TMEM168: variants seen among roughly 807,000 people sequenced by gnomAD.
TMEM168 encodes transmembrane protein 168.
TMEM168 carries 40 observed loss-of-function variants against 53.2 expected under a neutral mutation model. That is an observed-to-expected ratio of 0.75 (90% confidence interval 0.58 to 0.98). The LOEUF (loss-of-function observed/expected upper bound fraction) is 0.98, where lower values mean the gene tolerates loss of function less well. TMEM168 is among the 50% of genes least tolerant of loss of function. TMEM168 has a pLI of 0.00. For missense variants in TMEM168, 771 were observed against 828.8 expected (o/e 0.93, Z 0.86); for synonymous variants, 282 against 293.0 (o/e 0.96, Z 0.38).
At position 112,767,054 on chromosome 7, in the gene TMEM168, ATTAC is replaced by A; in HGVS notation, c.*139_*142del. ...TTCCCAACGCCTTATATATACCATAATTACTTAAGAAAAGACAAAGTGAGAGCAG... is the reference window on the plus strand; with the variant it reads ...TTCCCAACGCCTTATATATACCATAATTAAGAAAAGACAAAGTGAGAGCAG... On this transcript the variant is annotated 3_prime_UTR_variant, in exon 5 of 5. Coordinates refer to ENST00000312814, the MANE Select transcript of TMEM168 (RefSeq NM_022484.6). The A allele has an allele frequency of 1.2e-6, 1 of 831,340 alleles. No individual in the cohort carries two copies. Among genetic ancestry groups the A allele is most frequent in the Non-Finnish European group, 1.8e-6 (1 of 548,420 alleles). The allele number at this position is 831,340 out of a possible 1,614,324, so 51.5% of individuals were successfully genotyped here. A position where few individuals can be genotyped will look rare whatever the true frequency, so the allele number is the denominator to read the frequency against.
intron 4 of TMEM168, among the ~76,000 whole-genome samples, chr7:112,770,396 A>G (rs1280980353): frequency 6.6e-6 from 1 of 152,184 alleles, no homozygotes; most frequent in Non-Finnish European, 1.5e-5. Flanking sequence ...ATAAGCCTCA[A>G]AGTTACACAA....
Position 112,762,637 on chromosome 7 carries a change from T to TG in TMEM168, c.*4559dup, listed in dbSNP as rs1202285788. The TG allele has an allele frequency of 6.6e-6, 1 of 152,078 alleles. No homozygotes were observed. The highest frequency in any genetic ancestry group is 1.5e-5 in the Non-Finnish European group (1 of 67,946). The allele number at this position is 152,078 out of a possible 1,614,324, so 9.4% of individuals were successfully genotyped here. A position where few individuals can be genotyped will look rare whatever the true frequency, so the allele number is the denominator to read the frequency against. ...AATATTATGAGGTCATCATACAAGA[T>TG]GACTGGTCAACTTCATTTTTAAAAT... On this transcript the variant is annotated 3_prime_UTR_variant, in exon 5 of 5. Coordinates refer to ENST00000312814, the MANE Select transcript of TMEM168 (RefSeq NM_022484.6).
In TMEM168 at chr7:112,767,057, A is replaced by G. The variant is rs545156617; in HGVS notation, c.*140T>C. On this transcript the variant is annotated 3_prime_UTR_variant, in exon 5 of 5. Coordinates refer to ENST00000312814, the MANE Select transcript of TMEM168 (RefSeq NM_022484.6). ...CCAACGCCTTATATATACCATAATT[A>G]CTTAAGAAAAGACAAAGTGAGAGCA... The G allele has an allele frequency of 1.6e-5, 13 of 838,492 alleles. No individual in the cohort carries two copies. In the African/African-American group the frequency reaches 1.9e-4, roughly 12 times the overall value. 51.9% of individuals were successfully genotyped at this position (838,492 alleles called of 1,614,324 possible).
At position 112,765,853 on chromosome 7, in the gene TMEM168, C is replaced by CCTAA. The variant is rs1052191233; in HGVS notation, c.*1340_*1343dup. On this transcript the variant is annotated 3_prime_UTR_variant, in exon 5 of 5. Coordinates refer to ENST00000312814, the MANE Select transcript of TMEM168 (RefSeq NM_022484.6). ...ACAAGTTCCCTGACTCTAACTTCTT[C>CCTAA]CTAACTTAAAAGTTCAATTTTCAAG... is the stretch of plus-strand genomic sequence containing the variant. 6.6e-5 allele frequency: 10 copies of CCTAA among 152,080 alleles called. No homozygotes were observed. Among genetic ancestry groups the CCTAA allele is most frequent in the Non-Finnish European group, 1.0e-4 (7 of 67,784 alleles). 9.4% of individuals were successfully genotyped at this position (152,080 alleles called of 1,614,324 possible).
intron 1 of TMEM168, 24 bp downstream of exon 1, chr7:112,790,136 T>G (rs1166879350): frequency 6.6e-6 from 1 of 152,516 alleles, no homozygotes; most frequent in Non-Finnish European, 1.5e-5. Context: ...CTCGCCGCCC[T>G]GCCGTCCACC....
chr7:112,780,957 A>C (rs1046672661), intron 2 of TMEM168, among the ~76,000 whole-genome samples: 4 of 151,564 alleles, frequency 2.6e-5, no homozygotes, highest in Admixed American at 6.6e-5. Flanking sequence ...AAAAAAAAAA[A>C]AAAAAAAACG....
intron 3 of TMEM168, among the ~76,000 whole-genome samples, chr7:112,774,449 G>T (rs1793018189): frequency 7.0e-6 from 1 of 143,106 alleles, no homozygotes; most frequent in Non-Finnish European, 1.5e-5. Flanking sequence ...TTTAGGCAAA[G>T]ACAGATAATA....
rs766552377 is a variant in TMEM168 at position 112,783,898 on chromosome 7, T to A, written c.928A>T (p.Ile310Phe). The change falls in exon 2 of 5, where the codon ATT becomes TTT. Residue 310 changes from isoleucine (I) to phenylalanine (F), a missense_variant. Ile to Phe is a conservative substitution (Grantham distance 21). Coordinates refer to ENST00000312814, the MANE Select transcript of TMEM168 (RefSeq NM_022484.6). ...CCCCAAAGAGTTAAAAGAAAAATAA[T>A]ATGACAAATCATCCAGAAAATTCCA... ...IFGIFWMICHIIFLLTLWGFH... is the reference protein window; with the variant it reads ...IFGIFWMICHFIFLLTLWGFH... The A allele has an allele frequency of 3.1e-6, 5 of 1,597,620 alleles. No individual in the cohort carries two copies. The East Asian group carries it at 8.9e-5, about 29-fold the overall frequency.
At chr7:112,780,094 C>A (rs1793188574) in intron 2 of TMEM168, among the ~76,000 whole-genome samples, 1 of 152,144 alleles carries the variant, frequency 6.6e-6, no homozygotes, top group Non-Finnish European at 1.5e-5. Context: ...AGTCAAATGA[C>A]TTCTTTACGT....
intron 2 of TMEM168, 39 bp downstream of exon 2, chr7:112,783,659 T>C (rs756495949): frequency 7.1e-7 from 1 of 1,399,832 alleles, no homozygotes; most frequent in Non-Finnish European, 9.3e-7. Context: ...AGCATTTTAT[T>C]ACACGTCATT....
chr7:112,762,951 T>G lies in TMEM168; in HGVS notation c.*4246A>C, dbSNP rs1475934727. ...ACCTGCTTATGCTTATAGGCCTATT[T>G]TACTGACCTTCCAATTTAGTTGTCA... On this transcript the variant is annotated 3_prime_UTR_variant, in exon 5 of 5. Coordinates refer to ENST00000312814, the MANE Select transcript of TMEM168 (RefSeq NM_022484.6). 1 of 152,086 alleles carries G rather than the reference T, an allele frequency of 6.6e-6. No individual in the cohort carries two copies. Among genetic ancestry groups the G allele is most frequent in the Non-Finnish European group, 1.5e-5 (1 of 67,928 alleles). 9.4% of individuals were successfully genotyped at this position (152,086 alleles called of 1,614,324 possible). A position where few individuals can be genotyped will look rare whatever the true frequency, so the allele number is the denominator to read the frequency against.
chr7:112,774,094 A>T (rs1368300284), intron 3 of TMEM168, among the ~76,000 whole-genome samples: 1 of 152,146 alleles, frequency 6.6e-6, no homozygotes, highest in East Asian at 1.9e-4. Flanking sequence ...AAAAAACTTT[A>T]CTTCCACTCT....
In TMEM168 at chr7:112,783,803, A is replaced by G. The variant is rs370072740; in HGVS notation, c.1023T>C (p.Asp341=). ...FTHRTDYNSL[D]RIMASKGMRH... ...GCATCCCTTTGGATGCCATGATTCT[A>G]TCAAGGCTATTGTAATCTGTCCTGT... Residue 341 remains aspartate (D), a synonymous_variant, in exon 2 of 5, where the codon GAT becomes GAC. Transcript: ENST00000312814. 1.2e-5 allele frequency: 20 copies of G among 1,603,184 alleles called. No homozygotes were observed. The highest frequency in any genetic ancestry group is 1.1e-4 in the African/African-American group (8 of 74,484).
chr7:112,764,052 A>C lies in TMEM168; in HGVS notation c.*3145T>G, dbSNP rs1178793950. The C allele has an allele frequency of 6.6e-6, 1 of 152,046 alleles. No homozygotes were observed. The highest frequency in any genetic ancestry group is 1.5e-5 in the Non-Finnish European group (1 of 67,982). 9.4% of individuals were successfully genotyped at this position (152,046 alleles called of 1,614,324 possible). ...ATAACTGAAAAGTCATGGGGAGAGA[A>C]AGAACTTGGCTCCTTATTTATTTTG... On this transcript the variant is annotated 3_prime_UTR_variant, in exon 5 of 5. Transcript: ENST00000312814.
At chr7:112,772,068 G>A (rs953435508) in intron 4 of TMEM168, among the ~76,000 whole-genome samples, 6 of 152,154 alleles carry the variant, frequency 3.9e-5, no homozygotes, top group Admixed American at 3.3e-4. Flanking sequence ...TGGAAAGACT[G>A]ACAAATTTAT....
intron 2 of TMEM168, among the ~76,000 whole-genome samples, chr7:112,781,906 C>T (rs974494300): frequency 6.6e-6 from 1 of 152,102 alleles, no homozygotes; most frequent in Admixed American, 6.5e-5. Flanking sequence ...AAAACCTTTA[C>T]TCTTGAAAAC....
intron 1 of TMEM168, among the ~76,000 whole-genome samples, chr7:112,789,830 G>C (rs1793495680): frequency 6.6e-6 from 1 of 152,246 alleles, no homozygotes; most frequent in African/African-American, 2.4e-5. Context: ...CTCAGCACTA[G>C]AGCAGCAACA....
In TMEM168 at chr7:112,767,041, T is replaced by G; in HGVS notation, c.*156A>C. 1 of 744,056 alleles carries G rather than the reference T, an allele frequency of 1.3e-6. No individual in the cohort carries two copies. The highest frequency in any genetic ancestry group is 2.1e-6 in the Non-Finnish European group (1 of 471,486). 46.1% of individuals were successfully genotyped at this position (744,056 alleles called of 1,614,324 possible). On this transcript the variant is annotated 3_prime_UTR_variant, in exon 5 of 5. Transcript: ENST00000312814. ...TATAAAATGTTTTTTCCCAACGCCT[T>G]ATATATACCATAATTACTTAAGAAA...
In TMEM168 at chr7:112,767,498, T is replaced by C. The variant is rs1425777848; in HGVS notation, c.1793A>G (p.Asn598Ser). The C allele has an allele frequency of 1.2e-6, 2 of 1,614,002 alleles. No homozygotes were observed. Among genetic ancestry groups the C allele is most frequent in the Admixed American group, 3.3e-5 (2 of 59,996 alleles). Residue 598 changes from asparagine to serine, a missense_variant, in exon 5 of 5, where the codon AAC becomes AGC. Transcript: ENST00000312814. ...FTKDWVEYNC[N>S]SSNNICWTEK... ...AGTCCAGCAGATGTTATTACTGGAG[T>C]TGCAGTTATATTCTACCCAGTCTTT... is the stretch of plus-strand genomic sequence containing the variant.
Sources: gnomAD v4.1 joint callset for allele counts (sites outside exome capture counted in the v4.1 genomes callset) on GRCh38, gnomAD v4.1.1 for gene constraint, MANE v1.5 for transcripts, NCBI Gene and HGNC (gene_info 2026-07-23, HGNC 2026-07-21) for gene names.